The following ACSM2B variants were observed in gnomAD, a reference collection of about 807,000 sequenced individuals.
The protein encoded by ACSM2B is acyl-coenzyme A synthetase ACSM2B, mitochondrial.
ACSM2B carries 58 observed loss-of-function variants against 78.6 expected under a neutral mutation model. That is an observed-to-expected ratio of 0.74 (90% CI 0.60 to 0.92). The LOEUF is 0.92. Ranked by LOEUF, ACSM2B falls within the 40% of genes least tolerant of loss-of-function variation. The pLI is 0.00. For synonymous variants in ACSM2B, 257 were observed against 256.8 expected (o/e 1.00, Z -0.01); for missense variants, 688 against 711.2 (o/e 0.97, Z 0.37).
intron 13 of ACSM2B, among the ~76,000 whole-genome samples, chr16:20,537,662 C>T (rs558466703): frequency 1.3e-5 from 2 of 152,208 alleles, no homozygotes; most frequent in Admixed American, 6.5e-5. Context: ...CCCAGCTCCT[C>T]CTCTGCCAAT....
At chr16:20,566,247 TTATATATATATA>T (rs200052689) in intron 1 of ACSM2B, among the ~76,000 whole-genome samples, 844 of 69,954 alleles carry the variant, frequency 0.012, 13 homozygotes, top group African/African-American at 0.026. Flanking sequence ...TCATGGAAGA[TTATATATATATA>T]TATATATATA....
intron 5 of ACSM2B, among the ~76,000 whole-genome samples, chr16:20,553,001 AG>A (rs1175476235): frequency 3.9e-5 from 6 of 152,176 alleles, no homozygotes; most frequent in African/African-American, 1.4e-4. Flanking sequence ...TTTTGGGGGA[AG>A]GGGAATTTAA....
intron 4 of ACSM2B, 150 bp downstream of exon 4, chr16:20,555,119 C>G (rs1328540534): frequency 3.3e-5 from 43 of 1,312,044 alleles, no homozygotes; most frequent in East Asian, 5.3e-5. Context: ...AAAAAAAAAC[C>G]CTTGTATTAG....
intron 3 of ACSM2B, 124 bp from the exon 4 acceptor site, chr16:20,555,600 G>A (rs2015450313): frequency 6.7e-7 from 1 of 1,493,058 alleles, no homozygotes. Context: ...ATGACCAATG[G>A]AGAACGTCAA....
intron 2 of ACSM2B, among the ~76,000 whole-genome samples, chr16:20,564,059 C>T (rs1380388479): frequency 5.9e-5 from 9 of 151,658 alleles, no homozygotes; most frequent in African/African-American, 1.5e-4. Context: ...GACAGGGACA[C>T]GTGACCTAAC....
intron 2 of ACSM2B, among the ~76,000 whole-genome samples, chr16:20,560,975 G>T (rs911072409): frequency 6.6e-6 from 1 of 152,042 alleles, no homozygotes; most frequent in East Asian, 1.9e-4. Context: ...AAGTTTTAAC[G>T]TAAGAGTAAT....
At position 20,543,254 on chromosome 16, in the gene ACSM2B, G is replaced by T. The variant is rs201967054; in HGVS notation, c.1290C>A (p.Pro430=). The change falls in exon 11 of 14, where the codon CCC becomes CCA. Residue 430 remains proline, a synonymous_variant. Coordinates refer to ENST00000329697, the MANE Select transcript of ACSM2B (RefSeq NM_001105069.2). ...IGIFSGYVEN[P]DKTAANIRGD... ...CTCGAATGTTGGCTGCTGTCTTGTC[G>T]GGATTTTCCTGGTGACCACAGAAAG... The T allele has an allele frequency of 1.2e-6, 2 of 1,609,134 alleles. No homozygotes were observed. The highest frequency in any genetic ancestry group is 1.7e-6 in the Non-Finnish European group (2 of 1,179,854).
chr16:20,549,007 T>C (rs1380910613), intron 6 of ACSM2B, among the ~76,000 whole-genome samples: 42 of 152,202 alleles, frequency 2.8e-4, no homozygotes, highest in Admixed American at 2.7e-3. Flanking sequence ...TAGTACTGAA[T>C]ACTTGCCATG....
In ACSM2B at chr16:20,537,376, A is replaced by C. The variant is rs757881561; in HGVS notation, c.1630-14T>G. ...GACAAACTCTATCTGTTGAAAAACA[A>C]ATCAGTCCAGGGTGGGTGATCTGTG... On this transcript the variant is annotated splice_polypyrimidine_tract_variant and intron_variant, in intron 13 of 13. Coordinates refer to ENST00000329697, the MANE Select transcript of ACSM2B (RefSeq NM_001105069.2). 1 of 1,613,374 alleles carries C rather than the reference A, an allele frequency of 6.2e-7. No individual in the cohort carries two copies. Among genetic ancestry groups the C allele is most frequent in the South Asian group, 1.1e-5 (1 of 91,070 alleles).
At chr16:20,568,605 C>A (rs1204966844) in intron 1 of ACSM2B, among the ~76,000 whole-genome samples, 1 of 151,442 alleles carries the variant, frequency 6.6e-6, no homozygotes, top group East Asian at 1.9e-4. Flanking sequence ...ATTGCTGGAT[C>A]AAATGGTAGT....
intron 9 of ACSM2B, among the ~76,000 whole-genome samples, chr16:20,545,707 A>C (rs1467688923): frequency 3.3e-5 from 5 of 152,242 alleles, no homozygotes; most frequent in African/African-American, 1.2e-4. Flanking sequence ...TATAGGAATG[A>C]AATAAGATAC....
intron 6 of ACSM2B, among the ~76,000 whole-genome samples, chr16:20,550,814 C>T (rs972485342): frequency 3.9e-5 from 6 of 152,098 alleles, no homozygotes; most frequent in Non-Finnish European, 8.8e-5. Context: ...TTTGTTGCTA[C>T]AGGATAAAGC....
In ACSM2B at chr16:20,548,116, G is replaced by A. The variant is rs1423102965; in HGVS notation, c.1044C>T (p.Asn348=). ...TGTCCAGTCCTGTCTGGGCCCTCCAGTTCTCCAGAGTTTCTGGAAGAAGGG... is the reference window on the plus strand; with the variant it reads ...TGTCCAGTCCTGTCTGGGCCCTCCAATTCTCCAGAGTTTCTGGAAGAAGGG... ...GESLLPETLE[N]WRAQTGLDIR... Residue 348 remains asparagine, a synonymous_variant, in exon 8 of 14, where the codon AAC becomes AAT. Transcript: ENST00000329697. 3.1e-6 allele frequency: 5 copies of A among 1,613,976 alleles called. No homozygotes were observed. In the African/African-American group the frequency reaches 6.7e-5, roughly 22 times the overall value.
At chr16:20,540,211 T>C (rs1039398121) in intron 13 of ACSM2B, among the ~76,000 whole-genome samples, 3 of 86,442 alleles carry the variant, frequency 3.5e-5, no homozygotes, top group African/African-American at 1.1e-4. Context: ...ATAGGAAGAG[T>C]TGTTTTTTTT....
chr16:20,554,974 C>T (rs2015423497), intron 4 of ACSM2B, among the ~76,000 whole-genome samples: 1 of 152,208 alleles, frequency 6.6e-6, no homozygotes, highest in South Asian at 2.1e-4. Flanking sequence ...CCAGGACAAC[C>T]CTGAACCTGT....
intron 13 of ACSM2B, among the ~76,000 whole-genome samples, chr16:20,540,279 G>T (rs2014952279): frequency 2.9e-5 from 4 of 137,724 alleles, no homozygotes; most frequent in Non-Finnish European, 4.6e-5. Context: ...GTCTCACTCT[G>T]TCACTTAGGC....
At chr16:20,545,334 T>G (rs1596708041) in intron 9 of ACSM2B, 76 bp from the exon 10 acceptor site, 1 of 1,528,252 alleles carries the variant, frequency 6.5e-7, no homozygotes, top group East Asian at 2.3e-5. Context: ...GATTGCTGAG[T>G]TGGTCAAATG....
chr16:20,550,818 A>G (rs1364381221), intron 6 of ACSM2B, among the ~76,000 whole-genome samples: 2 of 152,170 alleles, frequency 1.3e-5, no homozygotes, highest in Non-Finnish European at 2.9e-5. Context: ...TTGCTACAGG[A>G]TAAAGCATAG....
intron 6 of ACSM2B, among the ~76,000 whole-genome samples, chr16:20,551,316 T>C (rs575030210): frequency 1.3e-5 from 2 of 152,242 alleles, no homozygotes; most frequent in Admixed American, 6.5e-5. Context: ...AATCCCTATA[T>C]TAAAGCTCTA....
Sources: allele counts gnomAD v4.1 joint callset (sites outside exome capture counted in the v4.1 genomes callset), GRCh38; gene constraint gnomAD v4.1.1; transcripts MANE v1.5; gene names NCBI Gene and HGNC (gene_info 2026-07-23, HGNC 2026-07-21).